LYPD6B: variants seen among roughly 807,000 people sequenced by gnomAD.
LYPD6B encodes ly6/PLAUR domain-containing protein 6B.
A neutral mutation model predicts 22.8 loss-of-function variants in LYPD6B; 17 were observed. That is an observed-to-expected ratio of 0.75 (90% CI 0.51 to 1.12). The LOEUF (loss-of-function observed/expected upper bound fraction) is 1.12, where lower values mean the gene tolerates loss of function less well. Ranked by LOEUF, LYPD6B falls within the 50% of genes most tolerant of loss-of-function variation. The probability of loss-of-function intolerance (pLI) is 0.00; values close to 1 mark genes in which losing one functional copy is unlikely to be tolerated. For missense variants in LYPD6B, 221 were observed against 258.3 expected (o/e 0.86, Z 0.99); for synonymous variants, 106 against 91.6 (o/e 1.16, Z -0.90).
At chr2:149,040,087 TG>T (rs1438070935) in intron 1 of LYPD6B, among the ~76,000 whole-genome samples, 2 of 152,170 alleles carry the variant, frequency 1.3e-5, no homozygotes, top group Non-Finnish European at 2.9e-5. Flanking sequence ...GTTCTTAGTA[TG>T]GACGATAAAT....
At chr2:149,083,305 C>T (rs575261665) in intron 1 of LYPD6B, among the ~76,000 whole-genome samples, 1 of 152,240 alleles carries the variant, frequency 6.6e-6, no homozygotes, top group Non-Finnish European at 1.5e-5. Context: ...ATTCTCCCTA[C>T]ATTACCATAA....
intron 1 of LYPD6B, among the ~76,000 whole-genome samples, chr2:149,107,534 G>T (rs1032278948): frequency 1.3e-5 from 2 of 152,140 alleles, no homozygotes; most frequent in South Asian, 4.1e-4. Flanking sequence ...CAAGTGCTGC[G>T]TTAGCAATAT....
intron 3 of LYPD6B, among the ~76,000 whole-genome samples, chr2:149,199,364 A>G (rs773710544): frequency 6.6e-6 from 1 of 152,140 alleles, no homozygotes; most frequent in Non-Finnish European, 1.5e-5. Context: ...CCTCCTCTCA[A>G]AGATGATTGT....
chr2:149,202,163 A>T (rs1195415228), intron 3 of LYPD6B, among the ~76,000 whole-genome samples: 1 of 152,208 alleles, frequency 6.6e-6, no homozygotes, highest in Admixed American at 6.5e-5. Context: ...GGAACTAGAG[A>T]TAAGACTAGG....
chr2:149,095,910 A>G (rs1391605555), intron 1 of LYPD6B, among the ~76,000 whole-genome samples: 1 of 152,036 alleles, frequency 6.6e-6, no homozygotes, highest in South Asian at 2.1e-4. Flanking sequence ...ACAGAGAAAG[A>G]TGCACACACA....
At chr2:149,110,843 T>C (rs1686721764) in intron 1 of LYPD6B, among the ~76,000 whole-genome samples, 2 of 152,286 alleles carry the variant, frequency 1.3e-5, no homozygotes, top group African/African-American at 2.4e-5. Flanking sequence ...TAGTAATATG[T>C]ACTTTGAAGA....
intron 2 of LYPD6B, among the ~76,000 whole-genome samples, chr2:149,135,118 G>A (rs938674599): frequency 6.6e-6 from 1 of 150,398 alleles, no homozygotes; most frequent in African/African-American, 2.4e-5. Flanking sequence ...GGTGAGGCAC[G>A]CCTGTAATCC....
At chr2:149,178,436 C>T (rs1691475188) in intron 3 of LYPD6B, among the ~76,000 whole-genome samples, 1 of 152,130 alleles carries the variant, frequency 6.6e-6, no homozygotes, top group African/African-American at 2.4e-5. Context: ...TCCCCCCACC[C>T]CCGTGAAACT....
At chr2:149,143,131 T>G (rs1688794599) in intron 2 of LYPD6B, among the ~76,000 whole-genome samples, 1 of 152,214 alleles carries the variant, frequency 6.6e-6, no homozygotes, top group Middle Eastern at 3.2e-3. Context: ...TTTTGTCCAT[T>G]ATCTCTCCCA....
intron 1 of LYPD6B, among the ~76,000 whole-genome samples, chr2:149,084,013 T>A (rs1299764443): frequency 6.6e-6 from 1 of 151,344 alleles, no homozygotes; most frequent in Non-Finnish European, 1.5e-5. Flanking sequence ...GGCAGGAGAA[T>A]CACTTGAACC....
At chr2:149,173,615 T>C (rs570916197) in intron 3 of LYPD6B, among the ~76,000 whole-genome samples, 1 of 152,328 alleles carries the variant, frequency 6.6e-6, no homozygotes, top group African/African-American at 2.4e-5. Flanking sequence ...AAGGATAGAA[T>C]ATTCTATTTA....
chr2:149,213,219 C>T, intron 6 of LYPD6B, 97 bp downstream of exon 6: 2 of 1,441,180 alleles, frequency 1.4e-6, no homozygotes, highest in South Asian at 1.3e-5. Context: ...ATATGTGGAC[C>T]ATGTTTACAT....
chr2:149,154,281 G>A lies in LYPD6B; in HGVS notation c.6-6483G>A, dbSNP rs148960649. On this transcript the variant is annotated intron_variant, in intron 2 of 6. Coordinates refer to ENST00000409642, the MANE Select transcript of LYPD6B (RefSeq NM_177964.5). ...AGGAACACACAGACACAAGGGGAAG[G>A]GCATGTGAAGAAAAGGCAGAGATTG... is the stretch of plus-strand genomic sequence containing the variant. Among the ~76,000 whole-genome samples the A allele has an allele frequency of 3.1e-3, 475 of 152,054 alleles. 4 individuals carry two copies. Among genetic ancestry groups the A allele is most frequent in the African/African-American group, 9.8e-3 (405 of 41,472 alleles).
intron 2 of LYPD6B, among the ~76,000 whole-genome samples, chr2:149,132,046 A>C (rs1421139335): frequency 6.6e-6 from 1 of 152,022 alleles, no homozygotes; most frequent in Non-Finnish European, 1.5e-5. Flanking sequence ...GGCTGAGCAA[A>C]GCCATGCATC....
intron 2 of LYPD6B, among the ~76,000 whole-genome samples, chr2:149,150,531 A>G (rs1689301051): frequency 6.6e-6 from 1 of 152,112 alleles, no homozygotes. Context: ...GCTTTTCTAT[A>G]TATGTGGCTG....
At chr2:149,187,328 A>T in intron 3 of LYPD6B, 1 of 1,277,184 alleles carries the variant, frequency 7.8e-7, no homozygotes. Flanking sequence ...TGTATTGCAT[A>T]TATTTAATTA....
intron 1 of LYPD6B, among the ~76,000 whole-genome samples, chr2:149,048,120 T>C (rs1436501907): frequency 2.0e-5 from 3 of 152,238 alleles, no homozygotes; most frequent in Admixed American, 6.5e-5. Flanking sequence ...GGTCTGGTTC[T>C]ATTCATTGCA....
chr2:149,204,972 G>C (rs1693411123), intron 3 of LYPD6B: 3 of 312,488 alleles, frequency 9.6e-6, no homozygotes, highest in African/African-American at 6.4e-5. Context: ...ATGGGGTGCA[G>C]CCAGGCCAGC....
intron 1 of LYPD6B, among the ~76,000 whole-genome samples, chr2:149,100,139 T>G (rs1426074137): frequency 6.6e-6 from 1 of 152,136 alleles, no homozygotes; most frequent in African/African-American, 2.4e-5. Context: ...GTAGAGTACA[T>G]GATGGTCTAA....
Sources: allele counts gnomAD v4.1 joint callset (sites outside exome capture counted in the v4.1 genomes callset), GRCh38; gene constraint gnomAD v4.1.1; transcripts MANE v1.5; gene names NCBI Gene and HGNC (gene_info 2026-07-23, HGNC 2026-07-21).